MATN2: variants seen among roughly 807,000 people sequenced by gnomAD.
MATN2 encodes the protein matrilin 2, also known as matrilin-2.
In MATN2, 69 loss-of-function variants were observed where a neutral mutation model predicts 103.2. The ratio of observed to expected loss-of-function variants is 0.67; its 90% CI spans 0.55 to 0.82. The LOEUF is 0.82. Among genes scored for constraint, MATN2 ranks in the 40% least tolerant of loss-of-function variants. MATN2 has a pLI of 0.00. For missense variants in MATN2, 1,023 were observed against 1,211.5 expected (o/e 0.84, Z 2.31); for synonymous variants, 429 against 450.2 (o/e 0.95, Z 0.60).
chr8:98,010,255 TCTC>T (rs1479272644), intron 10 of MATN2, among the ~76,000 whole-genome samples: 3 of 151,924 alleles, frequency 2.0e-5, no homozygotes, highest in African/African-American at 7.3e-5. Flanking sequence ...TAGGCTCTCC[TCTC>T]CTCCTCCCAC....
intron 1 of MATN2, among the ~76,000 whole-genome samples, chr8:97,880,440 A>G (rs1409942254): frequency 1.3e-5 from 2 of 152,208 alleles, no homozygotes; most frequent in South Asian, 2.1e-4. Context: ...TCTCCCAGGC[A>G]TTGTGAAGAC....
intron 2 of MATN2, among the ~76,000 whole-genome samples, chr8:97,928,218 CTTTTTTTTT>C (rs34226792): frequency 2.2e-5 from 2 of 89,290 alleles, no homozygotes; most frequent in East Asian, 7.8e-4. Context: ...GCACTCCTGC[CTTTTTTTTT>C]TTTTTTTTTT....
chr8:97,939,589 G>A (rs1159424850), intron 3 of MATN2, among the ~76,000 whole-genome samples: 2 of 152,202 alleles, frequency 1.3e-5, no homozygotes, highest in African/African-American at 4.8e-5. Context: ...GATTGAGGCT[G>A]CAGCAAGCTG....
rs189146865 is a variant in MATN2 at position 98,017,833 on chromosome 8, G to A, written c.1697-161G>A. Reference sequence around the variant, plus strand: ...TGAAGGGTTAGCCCGAATTAGAGCCGCTAAACTTTGTTCTCAATTGTAACT... The same window carrying A: ...TGAAGGGTTAGCCCGAATTAGAGCCACTAAACTTTGTTCTCAATTGTAACT... On this transcript the variant is annotated intron_variant, in intron 11 of 18. Transcript: ENST00000254898. Among the ~76,000 whole-genome samples the A allele has an allele frequency of 3.2e-3, 481 of 152,330 alleles. 2 individuals are homozygous for A. The highest frequency in any genetic ancestry group is 0.02 in the Middle Eastern group (6 of 294).
In MATN2 at chr8:97,982,378, C is replaced by A. The variant is rs1812057497; in HGVS notation, c.1081+3370C>A. Among the ~76,000 whole-genome samples, 1 of 152,188 alleles carries A rather than the reference C, an allele frequency of 6.6e-6. No homozygotes were observed. On this transcript the variant is annotated intron_variant, in intron 6 of 18. Coordinates refer to ENST00000254898, the MANE Select transcript of MATN2 (RefSeq NM_002380.5). This position sits in a 1 kb window ranked among gnomAD's most constrained non-coding sequence, Gnocchi z 4.3. ...TGTTTTAGTGAGTACCAAGGCCTCCCACCAGCTTCCAGCCAAGTCGGCCTG... is the reference window on the plus strand; with the variant it reads ...TGTTTTAGTGAGTACCAAGGCCTCCAACCAGCTTCCAGCCAAGTCGGCCTG...
chr8:97,991,995 T>TA (rs1335573831), intron 6 of MATN2, among the ~76,000 whole-genome samples: 2 of 152,228 alleles, frequency 1.3e-5, no homozygotes, highest in Non-Finnish European at 2.9e-5. Context: ...CTAGATCCTG[T>TA]ACTGGAAGGT....
At chr8:98,015,017 A>C (rs1313565959) in intron 10 of MATN2, among the ~76,000 whole-genome samples, 1 of 152,214 alleles carries the variant, frequency 6.6e-6, no homozygotes, top group African/African-American at 2.4e-5. Flanking sequence ...TTTTAAAGTA[A>C]CAGCCTGGTT....
chr8:98,023,708 T>C (rs1813684173), intron 13 of MATN2, among the ~76,000 whole-genome samples: 1 of 152,148 alleles, frequency 6.6e-6, no homozygotes, highest in African/African-American at 2.4e-5. Flanking sequence ...ATAAAGGTGT[T>C]GAGCCCAGTG....
chr8:97,885,802 A>G (rs934895309), intron 1 of MATN2, among the ~76,000 whole-genome samples: 3 of 152,188 alleles, frequency 2.0e-5, no homozygotes, highest in Admixed American at 2.0e-4. Context: ...CTGTCTCAAA[A>G]AAAGAGTTTA....
intron 2 of MATN2, among the ~76,000 whole-genome samples, chr8:97,921,279 C>T (rs886111263): frequency 6.6e-6 from 1 of 152,186 alleles, no homozygotes; most frequent in Non-Finnish European, 1.5e-5. Context: ...CACAATATGT[C>T]TTAGACCCAT....
chr8:98,017,191 A>T (rs1813394111), intron 11 of MATN2, among the ~76,000 whole-genome samples: 1 of 152,248 alleles, frequency 6.6e-6, no homozygotes, highest in Non-Finnish European at 1.5e-5. Flanking sequence ...GCCATTTATT[A>T]GCTGGGAAAG....
intron 5 of MATN2, among the ~76,000 whole-genome samples, chr8:97,973,999 T>C (rs1289646368): frequency 6.6e-6 from 1 of 152,206 alleles, no homozygotes; most frequent in Admixed American, 6.5e-5. Flanking sequence ...TTCCCAATGT[T>C]TTACATTTGT....
intron 13 of MATN2, chr8:98,025,212 G>A: frequency 6.6e-6 from 1 of 152,288 alleles, no homozygotes. Flanking sequence ...GTTGAGTGAT[G>A]AGGAAAAGCA....
Position 98,027,836 on chromosome 8 carries a change from TG to T in MATN2, c.2356+11del. On this transcript the variant is annotated splice_region_variant and intron_variant, in intron 14 of 18. Transcript: ENST00000254898. ...AGTAAAGCCAAGGCCAATGGTAATATGGGGTGGAGGTGCGGTTTACACCACT... is the reference window on the plus strand; with the variant it reads ...AGTAAAGCCAAGGCCAATGGTAATATGGGTGGAGGTGCGGTTTACACCACT... 1 of 1,551,798 alleles carries T rather than the reference TG, an allele frequency of 6.4e-7. No homozygotes were observed. Among genetic ancestry groups the T allele is most frequent in the Non-Finnish European group, 8.7e-7 (1 of 1,151,968 alleles).
In MATN2 at chr8:97,877,668, A is replaced by G. The variant is rs561839829; in HGVS notation, c.-27+8381A>G. On this transcript the variant is annotated intron_variant, in intron 1 of 18. Transcript: ENST00000254898. The stretch of plus-strand genomic sequence containing the variant: ...ACTACCTACCCATATCTCAGTTGTC[A>G]TAAATGCAATTCCACCTGCAGAAAT... Among the ~76,000 whole-genome samples the G allele has an allele frequency of 9.9e-5, 15 of 152,142 alleles. No individual in the cohort carries two copies. The East Asian group carries it at 2.9e-3, about 30-fold the overall frequency.
rs10546662 is a variant in MATN2, at chr8:97,973,571, C to CT, written c.959-5297dup. On this transcript the variant is annotated intron_variant, in intron 5 of 18. Transcript: ENST00000254898. ...AGAAAAAAGTATGATATTTACAAAT[C>CT]TTTTTTTTTTTTTTTTTTGAGATGG... is the stretch of plus-strand genomic sequence containing the variant. 5.9e-4 allele frequency among the ~76,000 whole-genome samples: 70 copies of CT among 118,700 alleles called. 1 individual carries two copies. The highest frequency in any genetic ancestry group is 3.1e-3 in the South Asian group (12 of 3,874). 77.9% of individuals were successfully genotyped at this position (118,700 alleles called of 152,430 possible).
chr8:98,035,615 TA>T (rs1814212288), intron 18 of MATN2, 41 bp from the exon 19 acceptor site: 2 of 1,222,686 alleles, frequency 1.6e-6, no homozygotes, highest in Non-Finnish European at 2.3e-6. Flanking sequence ...TAAATGTAAA[TA>T]AAAATAGACA....
intron 8 of MATN2, among the ~76,000 whole-genome samples, chr8:98,004,918 G>A (rs1308858584): frequency 6.6e-6 from 1 of 152,252 alleles, no homozygotes; most frequent in Non-Finnish European, 1.5e-5. Flanking sequence ...GAGCGCCTGA[G>A]TGTGGTGATG....
intron 1 of MATN2, among the ~76,000 whole-genome samples, chr8:97,870,523 G>GA (rs61300419): frequency 2.6e-4 from 38 of 146,610 alleles, no homozygotes; most frequent in South Asian, 6.5e-4. Flanking sequence ...CGTCTCAAAA[G>GA]AAAAAAAAAA....
Sources: gnomAD v4.1 joint callset for allele counts (sites outside exome capture counted in the v4.1 genomes callset) on GRCh38, gnomAD v4.1.1 for gene constraint, Gnocchi (gnomAD v3.1) non-coding constraint, MANE v1.5 for transcripts, NCBI Gene and HGNC (gene_info 2026-07-23, HGNC 2026-07-21) for gene names.